The following DIAPH2 variants were observed in gnomAD, a reference collection of about 807,000 sequenced individuals.
DIAPH2 encodes the protein protein diaphanous homolog 2.
Under a neutral mutation model 92.7 loss-of-function variants are expected in DIAPH2, and 35 were observed. That is an observed-to-expected ratio of 0.38 (90% CI 0.29 to 0.50). The LOEUF is 0.50. DIAPH2 is among the 20% of genes least tolerant of loss of function. The probability of loss-of-function intolerance (pLI) is 0.94; values close to 1 mark genes in which losing one functional copy is unlikely to be tolerated. For missense variants in DIAPH2, 701 were observed against 819.5 expected, an observed-to-expected ratio of 0.86 and a Z score of 1.77; for synonymous variants, 301 against 280.4, an observed-to-expected ratio of 1.07 and a Z score of -0.73.
intron 4 of DIAPH2, among the ~76,000 whole-genome samples, chrX:96,812,974 G>A (rs1016391924): frequency 1.3e-4 from 14 of 111,727 alleles, no homozygotes; most frequent in Admixed American, 5.7e-4. Context: ...GTGTGATGTG[G>A]TGCTGAGAAG....
At chrX:97,153,764 T>C (rs375922882) in intron 22 of DIAPH2, among the ~76,000 whole-genome samples, 1 of 111,699 alleles carries the variant, frequency 9.0e-6, no homozygotes, top group East Asian at 2.8e-4. Flanking sequence ...AGGCTCATGT[T>C]ATTTTAAATG....
At chrX:97,297,076 C>CTTT (rs57145821) in intron 23 of DIAPH2, among the ~76,000 whole-genome samples, 3 of 20,729 alleles carry the variant, frequency 1.4e-4, no homozygotes, top group African/African-American at 5.7e-4. Context: ...CAGGCCTGGC[C>CTTT]TTTTTTTTTT....
chrX:97,486,866 G>C (rs773972039), intron 26 of DIAPH2, among the ~76,000 whole-genome samples: 1 of 111,271 alleles, frequency 9.0e-6, no homozygotes, highest in African/African-American at 3.2e-5. Flanking sequence ...TAGATCTCTA[G>C]AATTTATTCA....
intron 23 of DIAPH2, among the ~76,000 whole-genome samples, chrX:97,267,736 A>C (rs1051931850): frequency 2.7e-5 from 3 of 111,968 alleles, no homozygotes; most frequent in African/African-American, 9.7e-5. Flanking sequence ...GTTTCTGCTT[A>C]ATGAATGAGA....
At chrX:97,303,201 T>G in intron 23 of DIAPH2, among the ~76,000 whole-genome samples, 1 of 112,227 alleles carries the variant, frequency 8.9e-6, no homozygotes, top group Non-Finnish European at 1.9e-5. Flanking sequence ...TGGTTTGAAT[T>G]TGGGTTACTT....
At chrX:97,194,419 C>T (rs917515041) in intron 22 of DIAPH2, among the ~76,000 whole-genome samples, 40 of 109,203 alleles carry the variant, frequency 3.7e-4, no homozygotes, top group Admixed American at 7.9e-4. Context: ...GTAGCTGGGA[C>T]TACAGGCACC....
intron 1 of DIAPH2, among the ~76,000 whole-genome samples, chrX:96,726,638 G>C (rs992871465): frequency 7.1e-5 from 8 of 112,090 alleles, no homozygotes; most frequent in Admixed American, 5.7e-4. Context: ...GATGAAGACT[G>C]TTGCACACAG....
chrX:97,176,676 T>C (rs1170699663), intron 22 of DIAPH2, among the ~76,000 whole-genome samples: 2 of 110,879 alleles, frequency 1.8e-5, no homozygotes, highest in African/African-American at 3.3e-5. Flanking sequence ...TACAGGCACC[T>C]GCCACCATGC....
At chrX:96,690,003 A>G (rs2063791059) in intron 1 of DIAPH2, among the ~76,000 whole-genome samples, 1 of 108,607 alleles carries the variant, frequency 9.2e-6, no homozygotes, top group African/African-American at 3.4e-5. Flanking sequence ...TTTTTTTTAA[A>G]GTATATGTAC....
At chrX:97,291,516 A>G (rs2068590518) in intron 23 of DIAPH2, among the ~76,000 whole-genome samples, 1 of 111,636 alleles carries the variant, frequency 9.0e-6, no homozygotes. Flanking sequence ...TTCTACTAAT[A>G]CAACAAGTAA....
At chrX:97,234,737 C>T (rs1386119744) in intron 22 of DIAPH2, among the ~76,000 whole-genome samples, 1 of 111,314 alleles carries the variant, frequency 9.0e-6, no homozygotes, top group South Asian at 3.7e-4. Flanking sequence ...TTTTTTTCAG[C>T]CACTTAAAAA....
chrX:97,358,146 G>C (rs1255434968), intron 24 of DIAPH2, among the ~76,000 whole-genome samples: 2 of 112,066 alleles, frequency 1.8e-5, no homozygotes, highest in African/African-American at 6.5e-5. Flanking sequence ...CCAAGCTTCA[G>C]TTACTTCTTA....
chrX:97,279,590 T>C (rs964587435), intron 23 of DIAPH2, among the ~76,000 whole-genome samples: 2 of 111,103 alleles, frequency 1.8e-5, no homozygotes, highest in Non-Finnish European at 3.8e-5. Context: ...TTTTTTTAAT[T>C]TGAGCTTTGA....
rs1400160192 is a variant in DIAPH2, at chrX:96,937,287, G to T, written c.1144G>T (p.Glu382Ter). ...ELDIQLKVFD[E>*]NKEDDLTELS... ...TGATATTCAGTTGAAAGTATTTGAT[G>T]AAAACAAAGAAGATGACCTAACTGA... Residue 382 changes from glutamate (E) to a stop codon, truncating the protein, a stop_gained, in exon 11 of 27, where the codon GAA becomes TAA. Coordinates refer to ENST00000324765, the MANE Select transcript of DIAPH2 (RefSeq NM_006729.5). LOFTEE classifies it high-confidence loss of function. 1 of 1,169,618 alleles carries T rather than the reference G, an allele frequency of 8.5e-7. No homozygotes were observed. The highest frequency in any genetic ancestry group is 3.0e-5 in the East Asian group (1 of 33,180).
At chrX:97,184,692 T>G (rs2067566231) in intron 22 of DIAPH2, among the ~76,000 whole-genome samples, 1 of 111,721 alleles carries the variant, frequency 9.0e-6, no homozygotes, top group African/African-American at 3.3e-5. Flanking sequence ...ACTATCTTAG[T>G]AATGTTAAGG....
rs1464746840 is a variant in DIAPH2 at position 97,570,099 on chromosome X, TA to T, written c.3242-29153del. ...TAATATATATATATATATATATATATATATATATATATATATATATATATTA... is the reference window on the plus strand; with the variant it reads ...TAATATATATATATATATATATATATTATATATATATATATATATATATTA... On this transcript the variant is annotated intron_variant, in intron 26 of 26. Coordinates refer to ENST00000324765, the MANE Select transcript of DIAPH2 (RefSeq NM_006729.5). Among the ~76,000 whole-genome samples, 272 of 31,308 alleles carry T rather than the reference TA, an allele frequency of 8.7e-3. 6 individuals are homozygous for T. The highest frequency in any genetic ancestry group is 0.024 in the African/African-American group (247 of 10,396). 27.2% of individuals were successfully genotyped at this position (31,308 alleles called of 115,157 possible).
At chrX:97,265,279 A>G (rs950043410) in intron 23 of DIAPH2, among the ~76,000 whole-genome samples, 64 of 111,958 alleles carry the variant, frequency 5.7e-4, no homozygotes, top group Admixed American at 6.7e-4. Context: ...CAGAATGAAT[A>G]AAAAAAGGGA....
At chrX:96,999,145 G>A (rs2066124956) in intron 17 of DIAPH2, among the ~76,000 whole-genome samples, 1 of 111,172 alleles carries the variant, frequency 9.0e-6, no homozygotes, top group Non-Finnish European at 1.9e-5. Context: ...TTAGTACACT[G>A]ATCTTATTTG....
At chrX:96,895,603 G>A (rs1441435622) in intron 5 of DIAPH2, among the ~76,000 whole-genome samples, 1 of 111,635 alleles carries the variant, frequency 9.0e-6, no homozygotes, top group Non-Finnish European at 1.9e-5. Context: ...GTATGATTTA[G>A]CATCTTTGAT....
Sources: allele counts gnomAD v4.1 joint callset (sites outside exome capture counted in the v4.1 genomes callset), GRCh38; gene constraint gnomAD v4.1.1; transcripts MANE v1.5; gene names NCBI Gene and HGNC (gene_info 2026-07-23, HGNC 2026-07-21).